The following KCNJ6 variants were observed in gnomAD, a reference collection of about 807,000 sequenced individuals.
The protein encoded by KCNJ6 is G protein-activated inward rectifier potassium channel 2.
A neutral mutation model predicts 34.2 loss-of-function variants in KCNJ6; 9 were observed. The observed-to-expected ratio is 0.26, with a 90% confidence interval of 0.16 to 0.46. The LOEUF (loss-of-function observed/expected upper bound fraction) is 0.46, where lower values mean the gene tolerates loss of function less well. Ranked by LOEUF, KCNJ6 falls within the 20% of genes least tolerant of loss-of-function variation. The pLI, the probability that KCNJ6 is intolerant of heterozygous loss-of-function variation, is 1.00. For missense variants in KCNJ6, 236 were observed against 531.3 expected, an observed-to-expected ratio of 0.44 and a Z score of 5.46; for synonymous variants, 196 against 207.1, an observed-to-expected ratio of 0.95 and a Z score of 0.46.
intron 2 of KCNJ6, among the ~76,000 whole-genome samples, chr21:37,754,544 T>C (rs1466961636): frequency 3.9e-5 from 6 of 152,188 alleles, no homozygotes; most frequent in East Asian, 1.9e-4. Flanking sequence ...AGAAACGTAC[T>C]GTGTCTTTAT....
At chr21:37,849,608 C>T (rs534573992) in intron 1 of KCNJ6, among the ~76,000 whole-genome samples, 1 of 152,200 alleles carries the variant, frequency 6.6e-6, no homozygotes, top group Non-Finnish European at 1.5e-5. Context: ...TGGTCTCCAC[C>T]TACCTCTCCA....
chr21:37,709,069 A>G (rs537116089), intron 3 of KCNJ6, among the ~76,000 whole-genome samples: 1 of 152,372 alleles, frequency 6.6e-6, no homozygotes, highest in East Asian at 1.9e-4. Context: ...TCATTCTGAT[A>G]CATGGTTGTT....
At chr21:37,875,001 A>T (rs902573549) in intron 1 of KCNJ6, among the ~76,000 whole-genome samples, 34 of 152,188 alleles carry the variant, frequency 2.2e-4, no homozygotes, top group African/African-American at 8.2e-4. Flanking sequence ...TTCTGCTCCA[A>T]ACCTCTTTCT....
chr21:37,810,514 C>T (rs1288629575), intron 2 of KCNJ6, among the ~76,000 whole-genome samples: 3 of 152,126 alleles, frequency 2.0e-5, no homozygotes, highest in African/African-American at 4.8e-5. Context: ...ATAAAATGTA[C>T]CTGTTTTTGC....
In KCNJ6 at chr21:37,862,523, A is replaced by G. The variant is rs913143673; in HGVS notation, c.-27-21814T>C. 4.6e-5 allele frequency among the ~76,000 whole-genome samples: 7 copies of G among 152,212 alleles called. 1 individual carries two copies. Among genetic ancestry groups the G allele is most frequent in the Admixed American group, 1.3e-4 (2 of 15,284 alleles). On this transcript the variant is annotated intron_variant, in intron 1 of 3. Transcript: ENST00000609713. ...GAAATTATGATCTGAGTTCAAGCTAATATATCACGAAAAAGCCTAGACACA... is the reference window on the plus strand; with the variant it reads ...GAAATTATGATCTGAGTTCAAGCTAGTATATCACGAAAAAGCCTAGACACA...
chr21:37,654,147 C>T (rs1387119653), intron 3 of KCNJ6, among the ~76,000 whole-genome samples: 1 of 130,192 alleles, frequency 7.7e-6, no homozygotes, highest in African/African-American at 2.9e-5. Context: ...CATTAGGGAT[C>T]ATGGACGTGC....
At position 37,607,484 on chromosome 21, in the gene KCNJ6, T is replaced by TATATATATATATATATATATATATA. The variant is rs35281433; in HGVS notation, c.*17674_*17675insTATATATATATATATATATATATAT. On this transcript the variant is annotated 3_prime_UTR_variant, in exon 4 of 4. Coordinates refer to ENST00000609713, the MANE Select transcript of KCNJ6 (RefSeq NM_002240.5). ...TAAAGATATATATATATATATATAT[T>TATATATATATATATATATATATATA]TTTTTTTTATTTTAAAAAAATTTGG... 3.2e-4 allele frequency: 20 copies of TATATATATATATATATATATATATA among 62,164 alleles called. No homozygotes were observed. Among genetic ancestry groups the TATATATATATATATATATATATATA allele is most frequent in the East Asian group, 6.4e-4 (1 of 1,562 alleles). The allele number at this position is 62,164 out of a possible 1,614,324, so 3.9% of individuals were successfully genotyped here. A position where few individuals can be genotyped will look rare whatever the true frequency, so the allele number is the denominator to read the frequency against.
intron 1 of KCNJ6, among the ~76,000 whole-genome samples, chr21:37,905,032 G>A (rs1308843400): frequency 2.6e-5 from 4 of 152,154 alleles, no homozygotes; most frequent in Admixed American, 1.3e-4. Context: ...AACACTCTGC[G>A]CCTGGACTGC....
At chr21:37,631,050 A>T (rs919128726) in intron 3 of KCNJ6, among the ~76,000 whole-genome samples, 3 of 152,204 alleles carry the variant, frequency 2.0e-5, no homozygotes, top group African/African-American at 7.2e-5. Context: ...CACAGCACTT[A>T]TCAGAGTGTT....
intron 1 of KCNJ6, among the ~76,000 whole-genome samples, chr21:37,914,516 C>G (rs974755803): frequency 6.6e-6 from 1 of 152,222 alleles, no homozygotes; most frequent in African/African-American, 2.4e-5. Flanking sequence ...GCCCTGGGAC[C>G]CGCCACAGGG....
At chr21:37,663,215 T>C (rs2054498166) in intron 3 of KCNJ6, among the ~76,000 whole-genome samples, 1 of 152,202 alleles carries the variant, frequency 6.6e-6, no homozygotes, top group Non-Finnish European at 1.5e-5. Flanking sequence ...TGTAAATTTA[T>C]ATTCCATGGG....
chr21:37,699,243 G>A (rs2054678175), intron 3 of KCNJ6, among the ~76,000 whole-genome samples: 1 of 152,118 alleles, frequency 6.6e-6, no homozygotes, highest in East Asian at 1.9e-4. Flanking sequence ...TTTGTACAAT[G>A]CCAGGCACAT....
At position 37,623,182 on chromosome 21, in the gene KCNJ6, TGTCCTGATC is replaced by T. The variant is rs1178321026; in HGVS notation, c.*1968_*1976del. ...CTTAAAGTCAGTGCCAAGAGGCAGT[TGTCCTGATC>T]CAAGGTCTCTGAGATGGGAGAAGAG... On this transcript the variant is annotated 3_prime_UTR_variant, in exon 4 of 4. Transcript: ENST00000609713. 5 of 152,362 alleles carry T rather than the reference TGTCCTGATC, an allele frequency of 3.3e-5. No individual in the cohort carries two copies. In the East Asian group the frequency reaches 9.6e-4, roughly 29 times the overall value. 9.4% of individuals were successfully genotyped at this position (152,362 alleles called of 1,614,324 possible). A position where few individuals can be genotyped will look rare whatever the true frequency, so the allele number is the denominator to read the frequency against.
At chr21:37,732,006 G>A (rs1248926676) in intron 2 of KCNJ6, among the ~76,000 whole-genome samples, 1 of 152,220 alleles carries the variant, frequency 6.6e-6, no homozygotes, top group Non-Finnish European at 1.5e-5. Flanking sequence ...GATGGCTGAA[G>A]CTGCAAGACA....
At chr21:37,769,852 C>CT (rs1243646627) in intron 2 of KCNJ6, among the ~76,000 whole-genome samples, 2 of 152,108 alleles carry the variant, frequency 1.3e-5, no homozygotes. Context: ...GCGTTAAGCC[C>CT]TTTTGTTCTT....
At chr21:37,676,469 A>G (rs115193191) in intron 3 of KCNJ6, among the ~76,000 whole-genome samples, 4,127 of 152,354 alleles carry the variant, frequency 0.027, 178 homozygotes, top group African/African-American at 0.092. Context: ...TGGACAGCCC[A>G]GTGCCTTGTG....
At chr21:37,845,717 T>C (rs1568869603) in intron 1 of KCNJ6, among the ~76,000 whole-genome samples, 1 of 152,194 alleles carries the variant, frequency 6.6e-6, no homozygotes, top group Non-Finnish European at 1.5e-5. Flanking sequence ...ACCTCTAGCA[T>C]TTGTGCCAAA....
At chr21:37,789,080 G>C (rs1045832847) in intron 2 of KCNJ6, among the ~76,000 whole-genome samples, 4 of 152,142 alleles carry the variant, frequency 2.6e-5, no homozygotes, top group Non-Finnish European at 4.4e-5. Flanking sequence ...CTTGCAGCTA[G>C]GCATGGTCAT....
intron 3 of KCNJ6, among the ~76,000 whole-genome samples, chr21:37,646,789 G>A (rs2123382765): frequency 6.6e-6 from 1 of 151,930 alleles, no homozygotes; most frequent in East Asian, 1.9e-4. Context: ...TCCTGCCTCA[G>A]CCTCCCCAGT....
Sources: gnomAD v4.1 joint callset for allele counts (sites outside exome capture counted in the v4.1 genomes callset) on GRCh38, gnomAD v4.1.1 for gene constraint, MANE v1.5 for transcripts, NCBI Gene and HGNC (gene_info 2026-07-23, HGNC 2026-07-21) for gene names.